COTL1: variants seen among roughly 807,000 people sequenced by gnomAD.
The protein encoded by COTL1 is coactosin like F-actin binding protein 1, also known as coactosin-like protein.
A neutral mutation model predicts 16.5 loss-of-function variants in COTL1; 15 were observed. That is an observed-to-expected ratio of 0.91 (90% confidence interval 0.61 to 1.40). The LOEUF is 1.40. Ranked by LOEUF, COTL1 falls within the 40% of genes most tolerant of loss-of-function variation. The pLI is 0.00. For synonymous variants in COTL1, 112 were observed against 85.3 expected, an observed-to-expected ratio of 1.31 and a Z score of -1.73; for missense variants, 220 against 201.5, an observed-to-expected ratio of 1.09 and a Z score of -0.56.
At position 84,587,369 on chromosome 16, in the gene COTL1, C is replaced by T. The variant is rs117400074; in HGVS notation, c.318+2736G>A. Among the ~76,000 whole-genome samples, 158 of 152,274 alleles carry T rather than the reference C, an allele frequency of 1.0e-3. 4 individuals carry two copies. The East Asian group carries it at 0.025, about 24-fold the overall frequency. ...AAATGATTATCTCGCCTCTTAACTCCGGAACCCCACCTCCCGAGATTGTTT... is the reference window on the plus strand; with the variant it reads ...AAATGATTATCTCGCCTCTTAACTCTGGAACCCCACCTCCCGAGATTGTTT... On this transcript the variant is annotated intron_variant, in intron 3 of 3. Transcript: ENST00000262428.
At chr16:84,588,453 T>C (rs1406458272) in intron 3 of COTL1, among the ~76,000 whole-genome samples, 2 of 152,226 alleles carry the variant, frequency 1.3e-5, no homozygotes, top group East Asian at 3.8e-4. Flanking sequence ...ACAGCTTTTC[T>C]GTTCTAAGGT....
chr16:84,585,172 G>A (rs1484851867), intron 3 of COTL1, among the ~76,000 whole-genome samples: 2 of 151,886 alleles, frequency 1.3e-5, no homozygotes, highest in African/African-American at 4.9e-5. Flanking sequence ...GGTCAGGCAG[G>A]TGGTTAGTGA....
intron 2 of COTL1, among the ~76,000 whole-genome samples, chr16:84,593,067 TTCA>T (rs1247214786): frequency 1.3e-5 from 2 of 152,224 alleles, no homozygotes; most frequent in Non-Finnish European, 2.9e-5. Flanking sequence ...CATGGCCACT[TTCA>T]TCATCAACAT....
intron 3 of COTL1, among the ~76,000 whole-genome samples, chr16:84,588,591 G>C (rs1231148994): frequency 6.6e-6 from 1 of 152,006 alleles, no homozygotes; most frequent in African/African-American, 2.4e-5. Flanking sequence ...GCTCACTGCA[G>C]CCTCGCCCTC....
chr16:84,603,168 C>T (rs969618590), intron 2 of COTL1, among the ~76,000 whole-genome samples: 15 of 152,312 alleles, frequency 9.8e-5, no homozygotes, highest in Admixed American at 9.2e-4. Flanking sequence ...GGGGCAGACT[C>T]GCAGCCAGTT....
At chr16:84,573,054 G>A (rs1021368948) in intron 3 of COTL1, among the ~76,000 whole-genome samples, 2 of 152,100 alleles carry the variant, frequency 1.3e-5, no homozygotes, top group Non-Finnish European at 2.9e-5. Flanking sequence ...TTGCCTGGCC[G>A]GGAATTTTCA....
At chr16:84,616,134 A>G (rs1597189434) in intron 2 of COTL1, 1 of 152,172 alleles carries the variant, frequency 6.6e-6, no homozygotes, top group Non-Finnish European at 1.5e-5. Flanking sequence ...GCAGGTGAGG[A>G]AACCAAGACC....
At chr16:84,585,068 G>A (rs946364126) in intron 3 of COTL1, among the ~76,000 whole-genome samples, 2 of 152,098 alleles carry the variant, frequency 1.3e-5, no homozygotes, top group South Asian at 2.1e-4. Flanking sequence ...TCCAGAATAC[G>A]CCAAAATAGA....
At chr16:84,568,573 T>C (rs1179770087) in intron 3 of COTL1, 1 of 152,074 alleles carries the variant, frequency 6.6e-6, no homozygotes, top group African/African-American at 2.4e-5. Flanking sequence ...TCAGCTGCCA[T>C]TGGTATAAAT....
At chr16:84,591,752 G>A (rs959205368) in intron 2 of COTL1, among the ~76,000 whole-genome samples, 19 of 150,330 alleles carry the variant, frequency 1.3e-4, no homozygotes, top group Non-Finnish European at 2.2e-4. Context: ...GAGCCCAGGA[G>A]GTTGAGACTG....
rs1904298115 is a variant in COTL1, at chr16:84,566,320, C to T, written c.*525G>A. The T allele has an allele frequency of 6.5e-6, 1 of 152,730 alleles. No homozygotes were observed. The highest frequency in any genetic ancestry group is 1.5e-5 in the Non-Finnish European group (1 of 68,386). 9.5% of individuals were successfully genotyped at this position (152,730 alleles called of 1,614,324 possible). A position where few individuals can be genotyped will look rare whatever the true frequency, so the allele number is the denominator to read the frequency against. ...GGGGCAGATACCAGGAGGTCTGGGC[C>T]TTAGTAGGGAATGGACGTGTGTGCT... On this transcript the variant is annotated 3_prime_UTR_variant, in exon 4 of 4. Transcript: ENST00000262428.
chr16:84,617,221 T>C (rs116199469), intron 2 of COTL1, among the ~76,000 whole-genome samples: 1 of 152,240 alleles, frequency 6.6e-6, no homozygotes, highest in African/African-American at 2.4e-5. Flanking sequence ...GAGTTGACCT[T>C]AGAAAACCAG....
At chr16:84,579,605 C>T (rs11648474) in intron 3 of COTL1, among the ~76,000 whole-genome samples, 1 of 152,292 alleles carries the variant, frequency 6.6e-6, no homozygotes, top group Admixed American at 6.5e-5. Context: ...GCAGACCCCT[C>T]TGTGTGAGGT....
rs2150682001 is a variant in COTL1, at chr16:84,576,961, T to C, written c.319-10006A>G. 2.0e-5 allele frequency: 3 copies of C among 152,282 alleles called. No individual in the cohort carries two copies. In the Middle Eastern group the frequency reaches 0.01, roughly 518 times the overall value. The allele number at this position is 152,282 out of a possible 1,614,324, so 9.4% of individuals were successfully genotyped here. A position where few individuals can be genotyped will look rare whatever the true frequency, so the allele number is the denominator to read the frequency against. On this transcript the variant is annotated intron_variant, in intron 3 of 3. Transcript: ENST00000262428. ...ATGTGTCTTTTCCACAAGTGGGTGATGATGACCAATAAACCAAAGACTCTG... is the reference window on the plus strand; with the variant it reads ...ATGTGTCTTTTCCACAAGTGGGTGACGATGACCAATAAACCAAAGACTCTG...
intron 2 of COTL1, chr16:84,594,254 G>T (rs943566087): frequency 2.0e-5 from 3 of 152,290 alleles, no homozygotes; most frequent in African/African-American, 7.2e-5. Flanking sequence ...GACTGAAAGT[G>T]AAAGCTACAA....
At chr16:84,579,652 G>A (rs1269419576) in intron 3 of COTL1, among the ~76,000 whole-genome samples, 2 of 152,210 alleles carry the variant, frequency 1.3e-5, no homozygotes, top group Non-Finnish European at 2.9e-5. Context: ...CCTGCATTTT[G>A]TCGGAACCCT....
At chr16:84,604,509 C>T (rs1475146487) in intron 2 of COTL1, among the ~76,000 whole-genome samples, 1 of 151,958 alleles carries the variant, frequency 6.6e-6, no homozygotes, top group Non-Finnish European at 1.5e-5. Context: ...GGTGATGCAC[C>T]CCACTGAGCT....
At chr16:84,568,626 G>C (rs1177378296) in intron 3 of COTL1, 1 of 152,166 alleles carries the variant, frequency 6.6e-6, no homozygotes, top group Admixed American at 6.5e-5. Context: ...GCAGACTCGT[G>C]GTTACACAGA....
rs865775658 is a variant in COTL1 at position 84,567,187 on chromosome 16, T to G, written c.319-232A>C. ...GACTGGGAGGAGGGAGTGGGGCAGATCTGATGCTGCGTCTTCCCATGTCCG... is the reference window on the plus strand; with the variant it reads ...GACTGGGAGGAGGGAGTGGGGCAGAGCTGATGCTGCGTCTTCCCATGTCCG... On this transcript the variant is annotated intron_variant, in intron 3 of 3. Transcript: ENST00000262428. The G allele has an allele frequency of 1.9e-5, 9 of 469,180 alleles. No individual in the cohort carries two copies. In the South Asian group the frequency reaches 2.1e-4, roughly 11 times the overall value. The allele number at this position is 469,180 out of a possible 1,614,324, so 29.1% of individuals were successfully genotyped here.
Sources: allele counts gnomAD v4.1 joint callset (sites outside exome capture counted in the v4.1 genomes callset), GRCh38; gene constraint gnomAD v4.1.1; transcripts MANE v1.5; gene names NCBI Gene and HGNC (gene_info 2026-07-23, HGNC 2026-07-21).